WASF2: variants seen among roughly 807,000 people sequenced by gnomAD.
WASF2 encodes WASP family member 2.
WASF2 carries 14 observed loss-of-function variants against 45.0 expected under a neutral mutation model. The ratio of observed to expected loss-of-function variants is 0.31; its 90% CI spans 0.21 to 0.49. WASF2 has a LOEUF of 0.49. WASF2 is among the 20% of genes least tolerant of loss of function. The pLI is 0.99. For synonymous variants in WASF2, 200 were observed against 236.3 expected (o/e 0.85, Z 1.41); for missense variants, 439 against 636.1 (o/e 0.69, Z 3.33).
At chr1:27,482,365 G>C (rs1274188811) in intron 1 of WASF2, among the ~76,000 whole-genome samples, 1 of 152,130 alleles carries the variant, frequency 6.6e-6, no homozygotes, top group Non-Finnish European at 1.5e-5. Flanking sequence ...ATGTTTTTTG[G>C]AGTTATGAAG....
At chr1:27,459,053 G>A (rs748563451) in intron 1 of WASF2, among the ~76,000 whole-genome samples, 1 of 150,610 alleles carries the variant, frequency 6.6e-6, no homozygotes, top group African/African-American at 2.4e-5. Context: ...TTCAACCCAG[G>A]AAGCGGAGGT....
intron 1 of WASF2, among the ~76,000 whole-genome samples, chr1:27,482,541 G>A (rs541139514): frequency 3.9e-5 from 6 of 152,268 alleles, no homozygotes; most frequent in Admixed American, 1.3e-4. Flanking sequence ...TTCATGCAAG[G>A]TAGGTAGTAA....
intron 1 of WASF2, among the ~76,000 whole-genome samples, chr1:27,480,881 C>T (rs1406371647): frequency 4.6e-5 from 7 of 151,466 alleles, no homozygotes; most frequent in South Asian, 4.2e-4. Context: ...TGGTGGCAGG[C>T]GCCTGTAGTC....
chr1:27,432,992 G>A (rs2017086743), intron 1 of WASF2, among the ~76,000 whole-genome samples: 1 of 152,142 alleles, frequency 6.6e-6, no homozygotes, highest in African/African-American at 2.4e-5. Context: ...CTAACTTTTA[G>A]CCTCAAGCAA....
At chr1:27,465,701 A>G (rs962400949) in intron 1 of WASF2, among the ~76,000 whole-genome samples, 5 of 152,232 alleles carry the variant, frequency 3.3e-5, no homozygotes, top group Non-Finnish European at 2.9e-5. Context: ...AGATTACGGT[A>G]CTAAATCTGT....
intron 1 of WASF2, among the ~76,000 whole-genome samples, chr1:27,480,459 G>T (rs2017831425): frequency 6.6e-6 from 1 of 151,828 alleles, no homozygotes; most frequent in Admixed American, 6.6e-5. Flanking sequence ...AGAGGTTGCA[G>T]TGAGATTAGA....
rs189577224 is a variant in WASF2, at chr1:27,449,786, G to A, written c.-43-20853C>T. Among the ~76,000 whole-genome samples the A allele has an allele frequency of 2.3e-4, 35 of 152,054 alleles. No homozygotes were observed. The East Asian group carries it at 4.7e-3, about 20-fold the overall frequency. On this transcript the variant is annotated intron_variant, in intron 1 of 8. Transcript: ENST00000618852. ...AGATTCTGGCATCCCACCAGGTCAC[G>A]AGAGAGGATCTACATTTACCCCTCA...
At chr1:27,479,757 C>T (rs1274384291) in intron 1 of WASF2, among the ~76,000 whole-genome samples, 1 of 152,134 alleles carries the variant, frequency 6.6e-6, no homozygotes, top group African/African-American at 2.4e-5. Flanking sequence ...CCTAGTTACT[C>T]AGGAGGCTGG....
Position 27,405,870 on chromosome 1 carries a change from G to C in WASF2, c.*2319C>G, listed in dbSNP as rs995870231. 6.6e-6 allele frequency: 1 copy of C among 152,356 alleles called. No individual in the cohort carries two copies. Among genetic ancestry groups the C allele is most frequent in the African/African-American group, 2.4e-5 (1 of 41,334 alleles). 9.4% of individuals were successfully genotyped at this position (152,356 alleles called of 1,614,324 possible). A position where few individuals can be genotyped will look rare whatever the true frequency, so the allele number is the denominator to read the frequency against. ...AACCCTAGGAGGTCACTGAGCTAAT[G>C]ATCTAATCCTACCTTCCGCAGGCAG... On this transcript the variant is annotated 3_prime_UTR_variant, in exon 9 of 9. Coordinates refer to ENST00000618852, the MANE Select transcript of WASF2 (RefSeq NM_006990.5).
intron 1 of WASF2, among the ~76,000 whole-genome samples, chr1:27,460,869 T>C (rs899698856): frequency 3.3e-5 from 5 of 152,238 alleles, no homozygotes; most frequent in Non-Finnish European, 5.9e-5. Flanking sequence ...CCAGGCGCAG[T>C]GGCTCACGCC....
At chr1:27,465,918 T>C (rs1222755057) in intron 1 of WASF2, among the ~76,000 whole-genome samples, 1 of 152,170 alleles carries the variant, frequency 6.6e-6, no homozygotes, top group African/African-American at 2.4e-5. Context: ...TGAAATTATG[T>C]CAAAAGGAAT....
chr1:27,419,628 A>G (rs1312804927), intron 2 of WASF2, among the ~76,000 whole-genome samples: 1 of 152,164 alleles, frequency 6.6e-6, no homozygotes, highest in African/African-American at 2.4e-5. Flanking sequence ...TAAACACTAC[A>G]CATTTGCCTA....
chr1:27,421,213 T>G (rs531232476), intron 2 of WASF2, among the ~76,000 whole-genome samples: 1 of 152,370 alleles, frequency 6.6e-6, no homozygotes, highest in African/African-American at 2.4e-5. Context: ...GCATTTCTAC[T>G]CTGCAGGTTG....
rs2016644915 is a variant in WASF2, at chr1:27,405,005, A to T, written c.*3184T>A. On this transcript the variant is annotated 3_prime_UTR_variant, in exon 9 of 9. Coordinates refer to ENST00000618852, the MANE Select transcript of WASF2 (RefSeq NM_006990.5). ...ACCCTGAAGTCAGGTGAGGGGCCGC[A>T]GTGGGAGGCAGTCCTAGAGCAGAGC... is the stretch of plus-strand genomic sequence containing the variant. The T allele has an allele frequency of 6.5e-6, 1 of 154,700 alleles. No individual in the cohort carries two copies. Among genetic ancestry groups the T allele is most frequent in the Non-Finnish European group, 1.5e-5 (1 of 68,892 alleles). 9.6% of individuals were successfully genotyped at this position (154,700 alleles called of 1,614,324 possible).
intron 4 of WASF2, 112 bp downstream of exon 4, chr1:27,418,157 G>T: frequency 1.6e-6 from 2 of 1,233,952 alleles, no homozygotes; most frequent in East Asian, 2.6e-5. Context: ...CTTTGGGGTA[G>T]GCAGTAAGCT....
intron 1 of WASF2, among the ~76,000 whole-genome samples, chr1:27,452,008 C>T (rs144553613): frequency 0.012 from 1,757 of 152,300 alleles, 22 homozygotes; most frequent in Middle Eastern, 0.041. Flanking sequence ...GCACTGTATT[C>T]ACCTGTTTTT....
intron 1 of WASF2, among the ~76,000 whole-genome samples, chr1:27,436,208 GGCA>G (rs921673843): frequency 1.3e-5 from 2 of 152,188 alleles, no homozygotes; most frequent in Admixed American, 1.3e-4. Context: ...TACTTTGGGA[GGCA>G]GCAGCAGGAG....
At chr1:27,477,183 A>G (rs2017777083) in intron 1 of WASF2, among the ~76,000 whole-genome samples, 1 of 152,210 alleles carries the variant, frequency 6.6e-6, no homozygotes, top group African/African-American at 2.4e-5. Context: ...GAAGGCCTAG[A>G]AAGATATCAC....
chr1:27,481,737 A>AT (rs1439750589), intron 1 of WASF2, among the ~76,000 whole-genome samples: 1 of 152,160 alleles, frequency 6.6e-6, no homozygotes, highest in Non-Finnish European at 1.5e-5. Context: ...AAAAAGAAAA[A>AT]AGAAAAAAAA....
Sources: gnomAD v4.1 joint callset for allele counts (sites outside exome capture counted in the v4.1 genomes callset) on GRCh38, gnomAD v4.1.1 for gene constraint, MANE v1.5 for transcripts, NCBI Gene and HGNC (gene_info 2026-07-23, HGNC 2026-07-21) for gene names.